GRIP2: variants seen among roughly 807,000 people sequenced by gnomAD.
The protein encoded by GRIP2 is glutamate receptor interacting protein 2.
GRIP2 carries 58 observed loss-of-function variants against 108.3 expected under a neutral mutation model. The observed-to-expected ratio is 0.54, with a 90% CI of 0.43 to 0.67. The LOEUF (loss-of-function observed/expected upper bound fraction) is 0.67, where lower values mean the gene tolerates loss of function less well. Among genes scored for constraint, GRIP2 ranks in the 30% least tolerant of loss-of-function variants. GRIP2 has a pLI of 0.00. For synonymous variants in GRIP2, 586 were observed against 598.2 expected (o/e 0.98, Z 0.30); for missense variants, 1,278 against 1,430.6 (o/e 0.89, Z 1.72).
intron 12 of GRIP2, 94 bp from the exon 13 acceptor site, chr3:14,513,904 C>T: frequency 1.4e-6 from 2 of 1,415,434 alleles, no homozygotes; most frequent in Non-Finnish European, 9.6e-7. Context: ...ACCTGGGTCA[C>T]ACCTCCTGGT....
intron 21 of GRIP2, among the ~76,000 whole-genome samples, chr3:14,501,488 G>A (rs1029040975): frequency 6.6e-6 from 1 of 152,234 alleles, no homozygotes; most frequent in Admixed American, 6.5e-5. Flanking sequence ...CAAAACAGGT[G>A]TAAAGGACAA....
At chr3:14,581,321 G>A in the GRIP2 span, among the ~76,000 whole-genome samples, 1 of 152,112 alleles carries the variant, frequency 6.6e-6, no homozygotes, top group African/African-American at 2.4e-5. Context: ...TTTGCTCTGG[G>A]GAGACCCCCT....
In GRIP2 at chr3:14,525,258, C is replaced by A. The variant is rs546098935; in HGVS notation, c.257+179G>T. On this transcript the variant is annotated intron_variant, in intron 3 of 23. Transcript: ENST00000621039. Reference sequence around the variant, plus strand: ...GTGTAAAAGAAAAGAGAAGCCAGGGCCTAGAATTACAGCCTCCATTGGAGG... The same window carrying A: ...GTGTAAAAGAAAAGAGAAGCCAGGGACTAGAATTACAGCCTCCATTGGAGG... Among the ~76,000 whole-genome samples the A allele has an allele frequency of 7.9e-5, 12 of 152,248 alleles. No individual in the cohort carries two copies. In the South Asian group the frequency reaches 2.5e-3, roughly 32 times the overall value.
chr3:14,560,397 T>C (rs1695300608), upstream of GRIP2, among the ~76,000 whole-genome samples: 2 of 152,330 alleles, frequency 1.3e-5, no homozygotes, highest in South Asian at 4.1e-4. Flanking sequence ...CCCATTTCCC[T>C]TGGGGAGCTG....
chr3:14,598,549 T>C, the GRIP2 span, among the ~76,000 whole-genome samples: 1 of 152,096 alleles, frequency 6.6e-6, no homozygotes, highest in African/African-American at 2.4e-5. Flanking sequence ...GCTGTTTCTC[T>C]GCCTGGGATG....
At position 14,517,122 on chromosome 3, in the gene GRIP2, C is replaced by A; in HGVS notation, c.1248G>T (p.Met416Ile). The change falls in exon 11 of 24, where the codon ATG becomes ATT. Residue 416 changes from methionine to isoleucine, a missense_variant. Coordinates refer to ENST00000621039, the MANE Select transcript of GRIP2 (RefSeq NM_001080423.4). ...TCCGCCCCATTGTAGTTCGAGGACT[C>A]ATGGGCTGGGATCCACGGGGAAGGG... ...PSTLPRGSQP[M>I]SPRTTMGRRR... 6.2e-7 allele frequency: 1 copy of A among 1,610,492 alleles called. No individual in the cohort carries two copies. Among genetic ancestry groups the A allele is most frequent in the Non-Finnish European group, 8.5e-7 (1 of 1,178,610 alleles).
chr3:14,500,091 T>C (rs989645716), intron 21 of GRIP2, among the ~76,000 whole-genome samples: 1 of 151,686 alleles, frequency 6.6e-6, no homozygotes, highest in Admixed American at 6.6e-5. Flanking sequence ...CAAAACAAAA[T>C]TGTAGGAATA....
chr3:14,569,892 C>G, the GRIP2 span, among the ~76,000 whole-genome samples: 71,827 of 151,952 alleles, frequency 0.47, 17,148 homozygotes, highest in South Asian at 0.55. Flanking sequence ...AGGCCCTGTT[C>G]TAAGCACTTT....
At chr3:14,575,123 C>T in the GRIP2 span, among the ~76,000 whole-genome samples, 1 of 152,178 alleles carries the variant, frequency 6.6e-6, no homozygotes, top group East Asian at 1.9e-4. Context: ...TGGCAATGCT[C>T]TGTTTCTCAA....
At chr3:14,567,032 G>C in the GRIP2 span, among the ~76,000 whole-genome samples, 1 of 151,820 alleles carries the variant, frequency 6.6e-6, no homozygotes, top group African/African-American at 2.4e-5. Flanking sequence ...TTGAATGAAT[G>C]AATGAATGAA....
the GRIP2 span, among the ~76,000 whole-genome samples, chr3:14,599,579 G>C: frequency 6.6e-6 from 1 of 151,846 alleles, no homozygotes; most frequent in Non-Finnish European, 1.5e-5. Context: ...AGCCTGGGGA[G>C]GGGGAGTTGG....
the GRIP2 span, among the ~76,000 whole-genome samples, chr3:14,598,126 C>T: frequency 1.3e-5 from 2 of 152,050 alleles, no homozygotes; most frequent in Admixed American, 6.6e-5. Context: ...CACAAACACA[C>T]GCACACACAA....
the GRIP2 span, among the ~76,000 whole-genome samples, chr3:14,562,995 C>T: frequency 8.0e-4 from 121 of 151,566 alleles, no homozygotes; most frequent in Middle Eastern, 6.8e-3. Flanking sequence ...GGTTCTCCAA[C>T]AAATAATGAG....
the GRIP2 span, among the ~76,000 whole-genome samples, chr3:14,582,346 T>C: frequency 6.6e-6 from 1 of 152,206 alleles, no homozygotes; most frequent in Non-Finnish European, 1.5e-5. Flanking sequence ...GTCTGTCTTC[T>C]TCTATAGGTG....
chr3:14,594,579 C>T, the GRIP2 span, among the ~76,000 whole-genome samples: 5 of 152,356 alleles, frequency 3.3e-5, no homozygotes, highest in South Asian at 8.3e-4. Context: ...GGGAGAGGAG[C>T]TCCACTTGGG....
At chr3:14,585,211 T>C in the GRIP2 span, among the ~76,000 whole-genome samples, 7 of 152,182 alleles carry the variant, frequency 4.6e-5, no homozygotes, top group Admixed American at 4.6e-4. Flanking sequence ...TTGGTAGAGA[T>C]GGGGTTTCAC....
At chr3:14,499,878 G>A (rs981590978) in intron 21 of GRIP2, among the ~76,000 whole-genome samples, 1 of 152,020 alleles carries the variant, frequency 6.6e-6, no homozygotes, top group African/African-American at 2.4e-5. Flanking sequence ...AACAATAGCT[G>A]ATGAGAAAAA....
upstream of GRIP2, among the ~76,000 whole-genome samples, chr3:14,543,238 C>T (rs1002927149): frequency 3.3e-5 from 5 of 152,194 alleles, no homozygotes; most frequent in East Asian, 1.9e-4. Context: ...CTGCATCACC[C>T]GGAGCTTGTC....
chr3:14,601,146 T>C, the GRIP2 span, among the ~76,000 whole-genome samples: 1 of 151,952 alleles, frequency 6.6e-6, no homozygotes, highest in Non-Finnish European at 1.5e-5. Context: ...ATAGTCCCTC[T>C]CAGGACATTA....
Sources: allele counts gnomAD v4.1 joint callset (sites outside exome capture counted in the v4.1 genomes callset), GRCh38; gene constraint gnomAD v4.1.1; transcripts MANE v1.5; gene names NCBI Gene and HGNC (gene_info 2026-07-23, HGNC 2026-07-21).